ADAMTS17: variants seen among roughly 807,000 people sequenced by gnomAD.
ADAMTS17 encodes ADAM metallopeptidase with thrombospondin type 1 motif 17, also known as A disintegrin and metalloproteinase with thrombospondin motifs 17.
In ADAMTS17, 113 loss-of-function variants were observed where a neutral mutation model predicts 141.5. The ratio of observed to expected loss-of-function variants is 0.80; its 90% CI spans 0.69 to 0.93. The LOEUF (loss-of-function observed/expected upper bound fraction) is 0.93. ADAMTS17 is among the 40% of genes least tolerant of loss of function. The pLI is 0.00. For synonymous variants in ADAMTS17, 768 were observed against 630.6 expected (o/e 1.22, Z -3.27); for missense variants, 1,659 against 1,517.9 (o/e 1.09, Z -1.54).
intron 6 of ADAMTS17, chr15:100,256,328 C>T (rs1426396205): frequency 2.6e-5 from 4 of 152,274 alleles, no homozygotes; most frequent in African/African-American, 9.6e-5. Flanking sequence ...TGGGCTAACA[C>T]TCTGCTGTCG....
intron 7 of ADAMTS17, among the ~76,000 whole-genome samples, chr15:100,219,665 T>C (rs1045721252): frequency 6.6e-6 from 1 of 152,130 alleles, no homozygotes; most frequent in African/African-American, 2.4e-5. Flanking sequence ...AGTCTTCACA[T>C]GGACAAGGAG....
intron 18 of ADAMTS17, among the ~76,000 whole-genome samples, chr15:100,024,796 C>A (rs1041360992): frequency 6.6e-5 from 10 of 152,196 alleles, no homozygotes; most frequent in Non-Finnish European, 1.5e-4. Flanking sequence ...ACAGTCCCTC[C>A]ACCCCACTCC....
chr15:100,146,640 A>T (rs2038918559), intron 10 of ADAMTS17, among the ~76,000 whole-genome samples: 1 of 152,264 alleles, frequency 6.6e-6, no homozygotes, highest in Non-Finnish European at 1.5e-5. Flanking sequence ...AGATAACCTT[A>T]AACTCTGACT....
intron 15 of ADAMTS17, among the ~76,000 whole-genome samples, chr15:100,075,080 T>C (rs1385915796): frequency 1.3e-5 from 2 of 152,230 alleles, no homozygotes; most frequent in Non-Finnish European, 2.9e-5. Flanking sequence ...ATATTTATAC[T>C]TCTATTGTGT....
chr15:100,070,118 T>A lies in ADAMTS17; in HGVS notation c.2138-16064A>T, dbSNP rs111243358. ...CCTAGTCTGATAAAACAGACTTTAATCCAACAAAGATCAAAAGAGACAAAG... is the reference window on the plus strand; with the variant it reads ...CCTAGTCTGATAAAACAGACTTTAAACCAACAAAGATCAAAAGAGACAAAG... On this transcript the variant is annotated intron_variant, in intron 15 of 21. Coordinates refer to ENST00000268070, the MANE Select transcript of ADAMTS17 (RefSeq NM_139057.4). Among the ~76,000 whole-genome samples the A allele has an allele frequency of 2.6e-4, 39 of 149,948 alleles. No individual in the cohort carries two copies. In the East Asian group the frequency reaches 5.3e-3, roughly 20 times the overall value.
intron 12 of ADAMTS17, among the ~76,000 whole-genome samples, chr15:100,119,999 C>T (rs543673273): frequency 6.8e-4 from 103 of 152,350 alleles, no homozygotes; most frequent in African/African-American, 2.3e-3. Flanking sequence ...AGGATCTTAT[C>T]TCCCAAATAT....
rs200543255 is a variant in ADAMTS17 at position 99,996,054 on chromosome 15, A to AT, written c.2796+1330dup. ...TCCCCCATAAAAAGAGTCTGAGTGG[A>AT]TTTTTTTTTTTTTTTTTGAGACAGA... On this transcript the variant is annotated intron_variant, in intron 19 of 21. Coordinates refer to ENST00000268070, the MANE Select transcript of ADAMTS17 (RefSeq NM_139057.4). Among the ~76,000 whole-genome samples the AT allele has an allele frequency of 8.6e-3, 1,176 of 137,518 alleles. 4 individuals are homozygous for AT. The highest frequency in any genetic ancestry group is 0.011 in the Middle Eastern group (3 of 264). 90.2% of individuals were successfully genotyped at this position (137,518 alleles called of 152,430 possible). A position where few individuals can be genotyped will look rare whatever the true frequency, so the allele number is the denominator to read the frequency against.
intron 3 of ADAMTS17, among the ~76,000 whole-genome samples, chr15:100,312,539 G>C (rs1442141188): frequency 6.6e-6 from 1 of 152,212 alleles, no homozygotes; most frequent in East Asian, 1.9e-4. Flanking sequence ...TAATTTGTTA[G>C]AGCGGTAATA....
intron 12 of ADAMTS17, among the ~76,000 whole-genome samples, chr15:100,130,243 A>G (rs554283665): frequency 2.0e-5 from 3 of 152,072 alleles, no homozygotes; most frequent in Non-Finnish European, 4.4e-5. Flanking sequence ...GCACTCCTGT[A>G]ATCCCAGCTA....
intron 15 of ADAMTS17, among the ~76,000 whole-genome samples, chr15:100,055,915 G>A (rs758442244): frequency 1.3e-5 from 2 of 152,184 alleles, no homozygotes; most frequent in Non-Finnish European, 2.9e-5. Flanking sequence ...AAATCACAAA[G>A]CTATTCAGTT....
intron 8 of ADAMTS17, among the ~76,000 whole-genome samples, chr15:100,191,217 A>G (rs1177530180): frequency 6.6e-6 from 1 of 152,218 alleles, no homozygotes; most frequent in African/African-American, 2.4e-5. Context: ...TTAAATGCAA[A>G]GGATTCCTGG....
chr15:99,991,846 A>G (rs28680681), intron 20 of ADAMTS17, among the ~76,000 whole-genome samples: 16,698 of 152,254 alleles, frequency 0.11, 2,792 homozygotes, highest in African/African-American at 0.36. Context: ...GCAGCCACAA[A>G]AAAGGATGAG....
chr15:100,080,210 G>T lies in ADAMTS17; in HGVS notation c.2137+16146C>A, dbSNP rs546283835. Among the ~76,000 whole-genome samples, 26 of 152,220 alleles carry T rather than the reference G, an allele frequency of 1.7e-4. No homozygotes were observed. In the East Asian group the frequency reaches 4.2e-3, roughly 25 times the overall value. On this transcript the variant is annotated intron_variant, in intron 15 of 21. Transcript: ENST00000268070. ...GGCCTGGAGATCTTAGTTCCAGAGG[G>T]AGAAATGCTGCCACCAGGAGACACA...
intron 20 of ADAMTS17, among the ~76,000 whole-genome samples, chr15:99,986,330 G>A (rs1012016032): frequency 9.2e-5 from 14 of 152,346 alleles, no homozygotes; most frequent in African/African-American, 3.4e-4. Context: ...TCTAACAGCT[G>A]GGTTTCTGGG....
At chr15:100,267,170 A>G (rs2043745125) in intron 4 of ADAMTS17, among the ~76,000 whole-genome samples, 2 of 151,086 alleles carry the variant, frequency 1.3e-5, no homozygotes, top group South Asian at 2.1e-4. Flanking sequence ...CCCCCACCCA[A>G]CCCCCATTCT....
intron 8 of ADAMTS17, among the ~76,000 whole-genome samples, chr15:100,166,854 G>C (rs4360912): frequency 0.021 from 3,179 of 152,290 alleles, 129 homozygotes; most frequent in East Asian, 0.17. Flanking sequence ...TCTTGCACCA[G>C]GCATTTTGCA....
chr15:100,239,928 AGGTGGTC>A (rs1366125076), intron 7 of ADAMTS17, among the ~76,000 whole-genome samples: 4 of 152,072 alleles, frequency 2.6e-5, no homozygotes, highest in African/African-American at 9.7e-5. Flanking sequence ...GTGAAGGAGG[AGGTGGTC>A]TCCAGGTGAA....
chr15:100,281,649 A>C (rs2044288598), intron 3 of ADAMTS17, among the ~76,000 whole-genome samples: 1 of 152,166 alleles, frequency 6.6e-6, no homozygotes, highest in Non-Finnish European at 1.5e-5. Context: ...CTCCCACCAC[A>C]GCTGGGGAGG....
At chr15:100,050,901 C>T (rs938548878) in intron 17 of ADAMTS17, among the ~76,000 whole-genome samples, 9 of 152,186 alleles carry the variant, frequency 5.9e-5, no homozygotes, top group African/African-American at 1.9e-4. Context: ...AGAATGGCTT[C>T]CTATTGCCCC....
Sources: gnomAD v4.1 joint callset for allele counts (sites outside exome capture counted in the v4.1 genomes callset) on GRCh38, gnomAD v4.1.1 for gene constraint, MANE v1.5 for transcripts, NCBI Gene and HGNC (gene_info 2026-07-23, HGNC 2026-07-21) for gene names.